Variants in GLIS3 observed in about 807,000 individuals in gnomAD.
GLIS3 encodes the protein GLIS family zinc finger 3, also known as zinc finger protein GLIS3.
In GLIS3, 53 loss-of-function variants were observed where a neutral mutation model predicts 78.6. The ratio of observed to expected loss-of-function variants is 0.67; its 90% CI spans 0.54 to 0.85. The LOEUF is 0.85. GLIS3 is among the 40% of genes least tolerant of loss of function. The pLI is 0.00. For missense variants in GLIS3, 1,703 were observed against 1,231.1 expected, an observed-to-expected ratio of 1.38 and a Z score of -5.74; for synonymous variants, 684 against 509.9, an observed-to-expected ratio of 1.34 and a Z score of -4.60.
At chr9:4,126,917 A>G (rs548112945) in intron 2 of GLIS3, among the ~76,000 whole-genome samples, 111 of 152,326 alleles carry the variant, frequency 7.3e-4, no homozygotes, top group Non-Finnish European at 1.2e-3. Flanking sequence ...TTTCATTGAT[A>G]TATTTGGGAT....
chr9:3,967,033 A>C (rs1818001596), intron 4 of GLIS3, among the ~76,000 whole-genome samples: 1 of 107,098 alleles, frequency 9.3e-6, no homozygotes, highest in South Asian at 2.8e-4. Flanking sequence ...AAAAAAAAAA[A>C]CAAAAAAACA....
chr9:4,114,410 G>A (rs999682135), intron 4 of GLIS3, among the ~76,000 whole-genome samples: 1 of 152,046 alleles, frequency 6.6e-6, no homozygotes, highest in African/African-American at 2.4e-5. Flanking sequence ...ATGAAACAGG[G>A]GTTTGGGAAA....
At chr9:4,173,673 T>C (rs1816575219) in intron 2 of GLIS3, among the ~76,000 whole-genome samples, 2 of 151,340 alleles carry the variant, frequency 1.3e-5, no homozygotes, top group African/African-American at 4.9e-5. Flanking sequence ...CACAGCTCAC[T>C]GCAGCCTCAA....
chr9:4,021,121 C>T (rs918789035), intron 4 of GLIS3, among the ~76,000 whole-genome samples: 4 of 152,034 alleles, frequency 2.6e-5, no homozygotes, highest in African/African-American at 9.7e-5. Context: ...CTACATCATA[C>T]AAAGTGTATA....
intron 8 of GLIS3, among the ~76,000 whole-genome samples, chr9:3,878,310 A>G (rs903198341): frequency 1.3e-5 from 2 of 152,110 alleles, no homozygotes; most frequent in South Asian, 2.1e-4. Context: ...TCACCATTCA[A>G]ACCTGTAAGG....
intron 2 of GLIS3, among the ~76,000 whole-genome samples, chr9:4,175,596 TG>T (rs1816745219): frequency 6.6e-6 from 1 of 152,182 alleles, no homozygotes; most frequent in South Asian, 2.1e-4. Context: ...GTTACTCTCC[TG>T]GCAATGCTGG....
intron 3 of GLIS3, among the ~76,000 whole-genome samples, chr9:4,121,426 C>G (rs560190775): frequency 7.9e-5 from 12 of 152,186 alleles, no homozygotes; most frequent in African/African-American, 2.9e-4. Context: ...ATACTAAGTA[C>G]TCAAAAAACT....
chr9:4,248,448 C>A (rs1179574772), intron 2 of GLIS3, among the ~76,000 whole-genome samples: 1 of 152,150 alleles, frequency 6.6e-6, no homozygotes, highest in Non-Finnish European at 1.5e-5. Flanking sequence ...CATAGTATTC[C>A]ATGGTGTATA....
chr9:4,432,143 C>A, the GLIS3 span, among the ~76,000 whole-genome samples: 1 of 152,152 alleles, frequency 6.6e-6, no homozygotes, highest in Admixed American at 6.5e-5. Flanking sequence ...GAAATGCATG[C>A]CTATCCCCAT....
At chr9:3,950,487 G>A (rs1367414730) in intron 4 of GLIS3, among the ~76,000 whole-genome samples, 1 of 152,158 alleles carries the variant, frequency 6.6e-6, no homozygotes, top group African/African-American at 2.4e-5. Flanking sequence ...TGCTCCCTCA[G>A]CTCAGTTTCT....
rs1292183885 is a variant in GLIS3 at position 3,977,471 on chromosome 9, G to GA, written c.1711-40283dup. On this transcript the variant is annotated intron_variant, in intron 4 of 10. Transcript: ENST00000381971. This position sits in a 1 kb window ranked among gnomAD's most constrained non-coding sequence, Gnocchi z 4.1. Reference sequence around the variant, plus strand: ...TAATGAGAGCTGCTCGGTAAGAAAAGAAAAGATTTATTGAATTCCTTTTGG... The same window carrying GA: ...TAATGAGAGCTGCTCGGTAAGAAAAGAAAAAGATTTATTGAATTCCTTTTGG... Among the ~76,000 whole-genome samples the GA allele has an allele frequency of 6.6e-6, 1 of 152,150 alleles. No homozygotes were observed. Among genetic ancestry groups the GA allele is most frequent in the East Asian group, 1.9e-4 (1 of 5,194 alleles).
At chr9:4,279,106 C>T (rs996275815) in intron 2 of GLIS3, among the ~76,000 whole-genome samples, 10 of 151,790 alleles carry the variant, frequency 6.6e-5, no homozygotes, top group Non-Finnish European at 1.5e-4. Flanking sequence ...TCAAGACCAG[C>T]CTGGCCAAGA....
intron 3 of GLIS3, among the ~76,000 whole-genome samples, chr9:4,122,212 T>C (rs986333791): frequency 6.6e-6 from 1 of 152,206 alleles, no homozygotes; most frequent in Non-Finnish European, 1.5e-5. Context: ...TTTGCTTCAA[T>C]GTCAAGCTCA....
intron 7 of GLIS3, among the ~76,000 whole-genome samples, chr9:3,890,664 G>T (rs548476752): frequency 6.6e-6 from 1 of 152,024 alleles, no homozygotes; most frequent in Non-Finnish European, 1.5e-5. Flanking sequence ...AACATCTAGG[G>T]ACTGGAGATC....
At chr9:4,393,142 T>G in the GLIS3 span, among the ~76,000 whole-genome samples, 1 of 152,198 alleles carries the variant, frequency 6.6e-6, no homozygotes, top group Non-Finnish European at 1.5e-5. Context: ...TATAAGGAAC[T>G]CTGTATATCT....
At chr9:4,283,777 C>A (rs998922144) in intron 2 of GLIS3, among the ~76,000 whole-genome samples, 1 of 152,190 alleles carries the variant, frequency 6.6e-6, no homozygotes, top group Non-Finnish European at 1.5e-5. Context: ...GAATTGTCAA[C>A]CAAAATCTGG....
At chr9:4,408,612 A>T in the GLIS3 span, among the ~76,000 whole-genome samples, 3 of 147,364 alleles carry the variant, frequency 2.0e-5, no homozygotes, top group African/African-American at 7.6e-5. Flanking sequence ...CTGTAGTCCC[A>T]GGTACTCGGG....
intron 2 of GLIS3, among the ~76,000 whole-genome samples, chr9:4,262,107 T>G (rs530571222): frequency 1.3e-5 from 2 of 152,118 alleles, no homozygotes; most frequent in African/African-American, 4.8e-5. Flanking sequence ...CTTAACCATG[T>G]GTCTGAACTA....
intron 6 of GLIS3, among the ~76,000 whole-genome samples, chr9:3,902,183 G>C (rs1018425959): frequency 6.6e-6 from 1 of 152,122 alleles, no homozygotes; most frequent in African/African-American, 2.4e-5. Context: ...GTTTTCTCTG[G>C]GATTAGGCAT....
Sources: gnomAD v4.1 joint callset for allele counts (sites outside exome capture counted in the v4.1 genomes callset) on GRCh38, gnomAD v4.1.1 for gene constraint, Gnocchi (gnomAD v3.1) non-coding constraint, MANE v1.5 for transcripts, NCBI Gene and HGNC (gene_info 2026-07-23, HGNC 2026-07-21) for gene names.